Variants in FGL2 observed in about 807,000 individuals in gnomAD.
The protein encoded by FGL2 is fibroleukin.
A neutral mutation model predicts 36.0 loss-of-function variants in FGL2; 21 were observed. The observed-to-expected ratio is 0.58, with a 90% CI of 0.41 to 0.84. FGL2 has a LOEUF of 0.84. Among genes scored for constraint, FGL2 ranks in the 40% least tolerant of loss-of-function variants. FGL2 has a pLI of 0.00. For missense variants in FGL2, 444 were observed against 526.3 expected (o/e 0.84, Z 1.53); for synonymous variants, 183 against 190.7 (o/e 0.96, Z 0.33).
chr7:77,198,463 G>C (rs1175740120), intron 1 of FGL2: 1 of 195,760 alleles, frequency 5.1e-6, no homozygotes, highest in Non-Finnish European at 9.3e-6. Flanking sequence ...TAAGTCTGTG[G>C]AATTTCACAT....
At position 77,196,363 on chromosome 7, in the gene FGL2, A is replaced by T; in HGVS notation, c.1236T>A (p.Gly412=). 6.2e-7 allele frequency: 1 copy of T among 1,614,086 alleles called. No individual in the cohort carries two copies. The highest frequency in any genetic ancestry group is 8.5e-7 in the Non-Finnish European group (1 of 1,180,008). The change falls in exon 2 of 2, where the codon GGT becomes GGA. Residue 412 remains glycine (G), a synonymous_variant. Coordinates refer to ENST00000248598, the MANE Select transcript of FGL2 (RefSeq NM_006682.3). This position sits in a 1 kb window ranked among gnomAD's most constrained non-coding sequence, Gnocchi z 4.2. The part of the protein sequence containing the change: ...RNGIFWGTWP[G]VSEAHPGGYK... ...AGCCACCAGGGTGTGCCTCACTTACACCAGGCCAGGTACCCCAGAAAATCC... is the reference window on the plus strand; with the variant it reads ...AGCCACCAGGGTGTGCCTCACTTACTCCAGGCCAGGTACCCCAGAAAATCC...
At position 77,199,236 on chromosome 7, in the gene FGL2, A is replaced by T. The variant is rs1791933276; in HGVS notation, c.558T>A (p.Ser186Arg). Residue 186 changes from serine to arginine, a missense_variant, in exon 1 of 2, where the codon AGT becomes AGA. Coordinates refer to ENST00000248598, the MANE Select transcript of FGL2 (RefSeq NM_006682.3). ...GACACTTTGAACATTTGCCATCCAA[A>T]CTATTGACAACAAATGTTAGATTTG... ...KVANLTFVVN[S>R]LDGKCSKCPS... 1.2e-6 allele frequency: 2 copies of T among 1,613,894 alleles called. No individual in the cohort carries two copies. The highest frequency in any genetic ancestry group is 2.7e-5 in the African/African-American group (2 of 74,926).
Position 77,196,439 on chromosome 7 carries a change from G to T in FGL2, c.1160C>A (p.Ala387Glu). ...GTGATAATATTTGCCATTTAAGTTT[G>T]CAGAAAGACATGCATCAAACCACCA... Reference protein sequence around the residue: ...SGWWFDACLSANLNGKYYHQK... With the variant: ...SGWWFDACLSENLNGKYYHQK... Residue 387 changes from alanine to glutamate, a missense_variant, in exon 2 of 2, where the codon GCA becomes GAA. By Grantham distance (107) the Ala-to-Glu change is moderately radical. Coordinates refer to ENST00000248598, the MANE Select transcript of FGL2 (RefSeq NM_006682.3). The surrounding 1 kb of genome is among the most constrained non-coding windows in gnomAD (Gnocchi z 4.2). The T allele has an allele frequency of 6.2e-7, 1 of 1,614,158 alleles. No individual in the cohort carries two copies. Among genetic ancestry groups the T allele is most frequent in the Non-Finnish European group, 8.5e-7 (1 of 1,180,024 alleles).
In FGL2 at chr7:77,199,598, T is replaced by C; in HGVS notation, c.196A>G (p.Ile66Val). ...PYQVSLPPLT[I>V]QLPKQFSRIE... ...CTGCTGAATTGCTTCGGGAGCTGAATAGTCAAGGGGGGCAGGCTTACCTGG... is the reference window on the plus strand; with the variant it reads ...CTGCTGAATTGCTTCGGGAGCTGAACAGTCAAGGGGGGCAGGCTTACCTGG... The change falls in exon 1 of 2, where the codon ATT becomes GTT. Residue 66 changes from isoleucine to valine, a missense_variant. Ile to Val is a conservative substitution (Grantham distance 29, BLOSUM62 3). Transcript: ENST00000248598. 6.2e-7 allele frequency: 1 copy of C among 1,614,204 alleles called. No individual in the cohort carries two copies. The highest frequency in any genetic ancestry group is 8.5e-7 in the Non-Finnish European group (1 of 1,180,016).
chr7:77,198,164 A>G, intron 1 of FGL2: 1 of 985,460 alleles, frequency 1.0e-6, no homozygotes, highest in South Asian at 4.7e-5. Context: ...AGGTACATTC[A>G]GATGCAGGCT....
In FGL2 at chr7:77,195,530, TAA is replaced by T. The variant is rs1791851059; in HGVS notation, c.*747_*748del. The stretch of plus-strand genomic sequence containing the variant: ...CTGTTGCAAAGTAAATGATATAGAT[TAA>T]GTTTGTCTCAGAATGAAGATTACCC... On this transcript the variant is annotated 3_prime_UTR_variant, in exon 2 of 2. Coordinates refer to ENST00000248598, the MANE Select transcript of FGL2 (RefSeq NM_006682.3). The T allele has an allele frequency of 6.6e-6, 1 of 152,164 alleles. No homozygotes were observed. The highest frequency in any genetic ancestry group is 6.5e-5 in the Admixed American group (1 of 15,282). The allele number at this position is 152,164 out of a possible 1,614,324, so 9.4% of individuals were successfully genotyped here.
In FGL2 at chr7:77,196,362, C is replaced by G; in HGVS notation, c.1237G>C (p.Val413Leu). The G allele has an allele frequency of 1.9e-6, 3 of 1,614,138 alleles. No homozygotes were observed. The highest frequency in any genetic ancestry group is 1.7e-6 in the Non-Finnish European group (2 of 1,180,008). The change falls in exon 2 of 2, where the codon GTA (valine) becomes CTA (leucine). Residue 413 changes from valine to leucine, a missense_variant. Physicochemically the swap from Val to Leu is conservative, Grantham distance 32 (BLOSUM62 1). Transcript: ENST00000248598. This position sits in a 1 kb window ranked among gnomAD's most constrained non-coding sequence, Gnocchi z 4.2. ...NGIFWGTWPG[V>L]SEAHPGGYKS... Reference sequence around the variant, plus strand: ...TAGCCACCAGGGTGTGCCTCACTTACACCAGGCCAGGTACCCCAGAAAATC... The same window carrying G: ...TAGCCACCAGGGTGTGCCTCACTTAGACCAGGCCAGGTACCCCAGAAAATC...
Position 77,199,191 on chromosome 7 carries a change from C to T in FGL2, c.603G>A (p.Gln201=). The stretch of plus-strand genomic sequence containing the variant: ...CATTATTATACATACCTGGACGTGA[C>T]TGTATTTGTTCTTGGCTGGGACACT... ...CSKCPSQEQI[Q]SRPVQHLIYK... Residue 201 remains glutamine (Q), a synonymous_variant, in exon 1 of 2, where the codon CAG becomes CAA. Coordinates refer to ENST00000248598, the MANE Select transcript of FGL2 (RefSeq NM_006682.3). 6.2e-7 allele frequency: 1 copy of T among 1,613,100 alleles called. No homozygotes were observed.
Position 77,196,274 on chromosome 7 carries a change from G to C in FGL2, c.*5C>G. On this transcript the variant is annotated 3_prime_UTR_variant, in exon 2 of 2. Coordinates refer to ENST00000248598, the MANE Select transcript of FGL2 (RefSeq NM_006682.3). This position sits in a 1 kb window ranked among gnomAD's most constrained non-coding sequence, Gnocchi z 4.2. ...ACGAATACCTGGAGGAATGAACAGAGTGATTTATGGCTTAAAGTGCTTGGG... is the reference window on the plus strand; with the variant it reads ...ACGAATACCTGGAGGAATGAACAGACTGATTTATGGCTTAAAGTGCTTGGG... 2 of 1,604,942 alleles carry C rather than the reference G, an allele frequency of 1.2e-6. No individual in the cohort carries two copies. The highest frequency in any genetic ancestry group is 1.1e-5 in the South Asian group (1 of 90,564).
At chr7:77,197,463 C>T (rs1791895951) in intron 1 of FGL2, among the ~76,000 whole-genome samples, 1 of 152,230 alleles carries the variant, frequency 6.6e-6, no homozygotes, top group African/African-American at 2.4e-5. Context: ...AGGACACTAA[C>T]TCAGATCTGG....
At chr7:77,197,945 A>G (rs930148341) in intron 1 of FGL2, among the ~76,000 whole-genome samples, 4 of 152,194 alleles carry the variant, frequency 2.6e-5, no homozygotes, top group African/African-American at 9.7e-5. Context: ...ATGTGTGACA[A>G]ATAAGGTAAG....
rs1012259908 is a variant in FGL2 at position 77,195,135 on chromosome 7, T to C, written c.*1144A>G. The C allele has an allele frequency of 6.6e-6, 1 of 152,080 alleles. No individual in the cohort carries two copies. The highest frequency in any genetic ancestry group is 1.5e-5 in the Non-Finnish European group (1 of 67,974). 9.4% of individuals were successfully genotyped at this position (152,080 alleles called of 1,614,324 possible). Reference sequence around the variant, plus strand: ...GCCTCAGAGTATGATAGCCTGTAAGTAAATGCTTCATTACCCACATATCCC... The same window carrying C: ...GCCTCAGAGTATGATAGCCTGTAAGCAAATGCTTCATTACCCACATATCCC... On this transcript the variant is annotated 3_prime_UTR_variant, in exon 2 of 2. Coordinates refer to ENST00000248598, the MANE Select transcript of FGL2 (RefSeq NM_006682.3).
Position 77,199,522 on chromosome 7 carries a change from C to T in FGL2, c.272G>A (p.Ser91Asn). The T allele has an allele frequency of 6.2e-7, 1 of 1,614,140 alleles. No homozygotes were observed. The highest frequency in any genetic ancestry group is 8.5e-7 in the Non-Finnish European group (1 of 1,180,010). Residue 91 changes from serine to asparagine, a missense_variant, in exon 1 of 2, where the codon AGT (serine) becomes AAT (asparagine). By Grantham distance (46) the Ser-to-Asn change is conservative. Coordinates refer to ENST00000248598, the MANE Select transcript of FGL2 (RefSeq NM_006682.3). ...GCAGTCTTGGCAAGATTTCTTTAGA[C>T]TATTTACGATTTCCTTGAGGTTTTG... ...EVQNLKEIVN[S>N]LKKSCQDCKL...
At chr7:77,199,039 T>G in intron 1 of FGL2, 142 bp downstream of exon 1, 1 of 713,272 alleles carries the variant, frequency 1.4e-6, no homozygotes, top group South Asian at 1.9e-5. Flanking sequence ...TGAGAAGATA[T>G]TTATTTTTTC....
At chr7:77,198,838 A>G in intron 1 of FGL2, 1 of 320,808 alleles carries the variant, frequency 3.1e-6, no homozygotes, top group Non-Finnish European at 5.7e-6. Context: ...ACATCGCCTT[A>G]TCTTTATTGT....
At chr7:77,198,144 G>T (rs1010068849) in intron 1 of FGL2, 1 of 985,350 alleles carries the variant, frequency 1.0e-6, no homozygotes, top group Non-Finnish European at 1.2e-6. Context: ...CCTTGGATTC[G>T]CAGTGTGCCA....
At position 77,199,009 on chromosome 7, in the gene FGL2, C is replaced by T. The variant is rs1020910793; in HGVS notation, c.613+172G>A. 3 of 617,480 alleles carry T rather than the reference C, an allele frequency of 4.9e-6. No homozygotes were observed. In the African/African-American group the frequency reaches 5.5e-5, roughly 11 times the overall value. The allele number at this position is 617,480 out of a possible 1,614,324, so 38.3% of individuals were successfully genotyped here. ...CTAACTATGATTTTTGTAATTAGGT[C>T]ATATTTATGTGGTCATATTTGAGAA... On this transcript the variant is annotated intron_variant, in intron 1 of 1. Transcript: ENST00000248598.
At chr7:77,198,147 G>T in intron 1 of FGL2, 1 of 985,428 alleles carries the variant, frequency 1.0e-6, no homozygotes, top group Non-Finnish European at 1.2e-6. Context: ...TGGATTCGCA[G>T]TGTGCCAGGT....
chr7:77,198,286 C>A, intron 1 of FGL2: 5 of 985,388 alleles, frequency 5.1e-6, no homozygotes, highest in Non-Finnish European at 6.0e-6. Flanking sequence ...TGAAAGTGAT[C>A]TCCGCCCTGT....
Sources: gnomAD v4.1 joint callset for allele counts (sites outside exome capture counted in the v4.1 genomes callset) on GRCh38, gnomAD v4.1.1 for gene constraint, Gnocchi (gnomAD v3.1) non-coding constraint, MANE v1.5 for transcripts, NCBI Gene and HGNC (gene_info 2026-07-23, HGNC 2026-07-21) for gene names.